NBEA: variants seen among roughly 807,000 people sequenced by gnomAD.
The protein encoded by NBEA is neurobeachin.
A neutral mutation model predicts 343.4 loss-of-function variants in NBEA; 44 were observed. That is an observed-to-expected ratio of 0.13 (90% CI 0.10 to 0.16). The LOEUF (loss-of-function observed/expected upper bound fraction) is 0.16. Ranked by LOEUF, NBEA falls within the 10% of genes least tolerant of loss-of-function variation. NBEA has a pLI of 1.00. For synonymous variants in NBEA, 1,175 were observed against 1,238.7 expected, an observed-to-expected ratio of 0.95 and a Z score of 1.08; for missense variants, 2,555 against 3,631.3, an observed-to-expected ratio of 0.70 and a Z score of 7.62.
chr13:35,387,320 C>G (rs2042288048), intron 38 of NBEA, among the ~76,000 whole-genome samples: 1 of 151,950 alleles, frequency 6.6e-6, no homozygotes, highest in Non-Finnish European at 1.5e-5. Context: ...ACACATGGTT[C>G]CAGAAGTATT....
intron 35 of NBEA, among the ~76,000 whole-genome samples, chr13:35,292,091 G>A (rs983010724): frequency 1.3e-5 from 2 of 151,808 alleles, no homozygotes; most frequent in Admixed American, 6.6e-5. Context: ...CTGAAATAAT[G>A]CTTTCGACTA....
chr13:35,433,807 G>T lies in NBEA; in HGVS notation c.6304+1414G>T, dbSNP rs910526934. 1.2e-4 allele frequency among the ~76,000 whole-genome samples: 18 copies of T among 152,042 alleles called. 2 individuals carry two copies. Among genetic ancestry groups the T allele is most frequent in the Admixed American group, 1.2e-3 (18 of 15,262 alleles). ...CAAAATGAGTTATCATTATGATCTT[G>T]TAGGAGAGAATCTTAGAAATATCTG... On this transcript the variant is annotated intron_variant, in intron 39 of 58. Coordinates refer to ENST00000379939, the MANE Select transcript of NBEA (RefSeq NM_001385012.1).
At chr13:35,548,051 C>T (rs951376511) in intron 41 of NBEA, among the ~76,000 whole-genome samples, 20 of 152,234 alleles carry the variant, frequency 1.3e-4, no homozygotes, top group Admixed American at 1.2e-3. Flanking sequence ...GGAGAACAGG[C>T]GCCTGCCAAG....
intron 40 of NBEA, 51 bp from the exon 41 acceptor site, chr13:35,472,349 C>T (rs948092357): frequency 2.5e-6 from 4 of 1,580,064 alleles, no homozygotes; most frequent in East Asian, 2.3e-5. Context: ...TGGGAGGGAG[C>T]AGGAAGGGCC....
intron 18 of NBEA, among the ~76,000 whole-genome samples, chr13:35,150,856 A>AT (rs1282270312): frequency 2.9e-5 from 4 of 139,222 alleles, no homozygotes; most frequent in African/African-American, 1.1e-4. Context: ...TGACTCATGC[A>AT]TGTAATCCCA....
chr13:35,255,877 T>C (rs1045025794), intron 34 of NBEA, among the ~76,000 whole-genome samples: 2 of 152,228 alleles, frequency 1.3e-5, no homozygotes, highest in African/African-American at 2.4e-5. Context: ...GAATGAGATA[T>C]GTGGACAACT....
chr13:35,607,856 T>C (rs1413111668), intron 48 of NBEA, among the ~76,000 whole-genome samples: 4 of 152,124 alleles, frequency 2.6e-5, no homozygotes, highest in African/African-American at 9.7e-5. Flanking sequence ...ACCCCATACC[T>C]TTTAGCATCT....
chr13:35,289,799 GCTAT>G (rs1008853790), intron 34 of NBEA, among the ~76,000 whole-genome samples: 9 of 151,676 alleles, frequency 5.9e-5, no homozygotes, highest in African/African-American at 2.2e-4. Flanking sequence ...TTTTTCTTCT[GCTAT>G]CTATTTGGGG....
chr13:35,197,473 G>A (rs1386930383), intron 31 of NBEA, among the ~76,000 whole-genome samples: 4 of 152,078 alleles, frequency 2.6e-5, no homozygotes, highest in African/African-American at 9.6e-5. Flanking sequence ...TTTAGTTTAG[G>A]GGTAGAGGAT....
chr13:35,125,236 G>T (rs1240891208), intron 17 of NBEA, among the ~76,000 whole-genome samples: 1 of 152,068 alleles, frequency 6.6e-6, no homozygotes, highest in Admixed American at 6.6e-5. Context: ...CAGAATACGG[G>T]TATCAGCTGC....
At chr13:35,203,551 T>A (rs560972252) in intron 31 of NBEA, among the ~76,000 whole-genome samples, 35 of 152,334 alleles carry the variant, frequency 2.3e-4, no homozygotes, top group South Asian at 1.7e-3. Flanking sequence ...GTCAGTTCCA[T>A]GAGAGCAGGG....
chr13:35,042,227 T>TAA (rs1351113715), intron 2 of NBEA, among the ~76,000 whole-genome samples: 7 of 151,836 alleles, frequency 4.6e-5, no homozygotes, highest in African/African-American at 1.7e-4. Context: ...TCTAATTACC[T>TAA]TCAGGGTGGC....
chr13:35,459,938 G>A (rs2046813237), intron 40 of NBEA, among the ~76,000 whole-genome samples: 1 of 152,186 alleles, frequency 6.6e-6, no homozygotes, highest in East Asian at 1.9e-4. Flanking sequence ...GTTCAGTGCA[G>A]ATAGACTCAA....
intron 38 of NBEA, among the ~76,000 whole-genome samples, chr13:35,401,148 T>A (rs2042986106): frequency 6.6e-6 from 1 of 152,004 alleles, no homozygotes; most frequent in African/African-American, 2.4e-5. Context: ...TTACTAATAT[T>A]TATTGTATTA....
chr13:35,142,939 G>C (rs1447241273), intron 18 of NBEA, among the ~76,000 whole-genome samples: 1 of 152,024 alleles, frequency 6.6e-6, no homozygotes, highest in African/African-American at 2.4e-5. Flanking sequence ...TACCTCACAG[G>C]GTGGCTACTT....
intron 39 of NBEA, among the ~76,000 whole-genome samples, chr13:35,443,193 A>T (rs1368382471): frequency 6.6e-6 from 1 of 152,082 alleles, no homozygotes; most frequent in African/African-American, 2.4e-5. Flanking sequence ...TTCAAAACAC[A>T]GCCTACCTAA....
At chr13:35,308,452 A>ATATATATATATATATATG (rs1566596854) in intron 35 of NBEA, among the ~76,000 whole-genome samples, 1 of 117,734 alleles carries the variant, frequency 8.5e-6, no homozygotes, top group East Asian at 2.3e-4. Context: ...ATATATATAT[A>ATATATATATATATATATG]TATATATATA....
chr13:35,367,143 A>T (rs965876519), intron 38 of NBEA, among the ~76,000 whole-genome samples: 4 of 151,316 alleles, frequency 2.6e-5, no homozygotes, highest in Admixed American at 2.6e-4. Flanking sequence ...AAAGATTATT[A>T]TAGAATTATT....
At chr13:35,445,782 T>TTATATATA (rs71081255) in intron 39 of NBEA, among the ~76,000 whole-genome samples, 2,156 of 112,656 alleles carry the variant, frequency 0.019, 59 homozygotes, top group African/African-American at 0.043. Flanking sequence ...ATATAAATGT[T>TTATATATA]TATATATATA....
Sources: allele counts gnomAD v4.1 joint callset (sites outside exome capture counted in the v4.1 genomes callset), GRCh38; gene constraint gnomAD v4.1.1; transcripts MANE v1.5; gene names NCBI Gene and HGNC (gene_info 2026-07-23, HGNC 2026-07-21).